Variants in CARF observed in about 807,000 individuals in gnomAD.
CARF encodes the protein calcium responsive transcription factor.
Under a neutral mutation model 82.0 loss-of-function variants are expected in CARF, and 57 were observed. That is an observed-to-expected ratio of 0.70 (90% CI 0.56 to 0.87). The LOEUF (loss-of-function observed/expected upper bound fraction) is 0.87. CARF is among the 40% of genes least tolerant of loss of function. The pLI is 0.00. For missense variants in CARF, 771 were observed against 855.8 expected, an observed-to-expected ratio of 0.90 and a Z score of 1.24; for synonymous variants, 268 against 290.1, an observed-to-expected ratio of 0.92 and a Z score of 0.77.
rs2059022207 is a variant in CARF at position 202,956,033 on chromosome 2, ACTATT to A, written c.642+276_642+280del. ...TGAAACTTCACTATCATGTTTCTCTACTATTTACTTTTCAACCATTTATTTTCTTT... is the reference window on the plus strand; with the variant it reads ...TGAAACTTCACTATCATGTTTCTCTATACTTTTCAACCATTTATTTTCTTT... On this transcript the variant is annotated intron_variant, in intron 8 of 16. Transcript: ENST00000438828. Among the ~76,000 whole-genome samples, 5 of 150,632 alleles carry A rather than the reference ACTATT, an allele frequency of 3.3e-5. No individual in the cohort carries two copies. The South Asian group carries it at 1.1e-3, about 32-fold the overall frequency.
chr2:202,965,404 A>T (rs1162510851), intron 9 of CARF, among the ~76,000 whole-genome samples: 1 of 152,120 alleles, frequency 6.6e-6, no homozygotes, highest in East Asian at 1.9e-4. Flanking sequence ...CATTCCAAGG[A>T]GTATGAAATA....
intron 6 of CARF, among the ~76,000 whole-genome samples, chr2:202,953,179 C>T (rs2058835871): frequency 6.6e-6 from 1 of 151,872 alleles, no homozygotes; most frequent in Admixed American, 6.6e-5. Context: ...GCAACCATGC[C>T]TAATTTTTAT....
chr2:202,964,745 A>G (rs1248296088), intron 9 of CARF, among the ~76,000 whole-genome samples: 1 of 151,736 alleles, frequency 6.6e-6, no homozygotes, highest in Admixed American at 6.6e-5. Flanking sequence ...TACCCCTTAC[A>G]CTTCCTCATT....
intron 12 of CARF, among the ~76,000 whole-genome samples, chr2:202,973,327 GA>G (rs1229295089): frequency 1.3e-5 from 2 of 152,096 alleles, no homozygotes; most frequent in Non-Finnish European, 2.9e-5. Context: ...CTTAACAATG[GA>G]AGTATAATAC....
At position 202,981,608 on chromosome 2, in the gene CARF, G is replaced by A. The variant is rs1171505347; in HGVS notation, c.1612G>A (p.Gly538Ser). The A allele has an allele frequency of 6.2e-6, 10 of 1,610,228 alleles. No individual in the cohort carries two copies. In the African/African-American group the frequency reaches 8.0e-5, roughly 13 times the overall value. The change falls in exon 15 of 17, where the codon GGT (glycine) becomes AGT (serine). Residue 538 changes from glycine (G) to serine (S), a missense_variant. Coordinates refer to ENST00000438828, the MANE Select transcript of CARF (RefSeq NM_024744.17). The part of the protein sequence containing the change: ...TTKVETNQTR[G>S]SLSPEPTHLL... ...CAAAGTGGAAACAAATCAGACCAGG[G>A]GTTCTTTGTCTCCTGAGCCAACCCA... is the stretch of plus-strand genomic sequence containing the variant.
Position 202,949,342 on chromosome 2 carries a change from CAAAAAA to C in CARF, c.307-3207_307-3202del, listed in dbSNP as rs540061451. 1.4e-4 allele frequency among the ~76,000 whole-genome samples: 16 copies of C among 114,038 alleles called. No homozygotes were observed. The Admixed American group carries it at 1.5e-3, about 11-fold the overall frequency. 74.8% of individuals were successfully genotyped at this position (114,038 alleles called of 152,430 possible). A position where few individuals can be genotyped will look rare whatever the true frequency, so the allele number is the denominator to read the frequency against. On this transcript the variant is annotated intron_variant, in intron 5 of 16. Transcript: ENST00000438828. ...TGGGCAACAGAGCAAGACTCCATCT[CAAAAAA>C]AAAAAAAAAGAGATATGTCTCACTC...
chr2:202,933,386 T>G (rs1316045119), intron 3 of CARF, among the ~76,000 whole-genome samples: 1 of 152,054 alleles, frequency 6.6e-6, no homozygotes, highest in Non-Finnish European at 1.5e-5. Flanking sequence ...TGGGACACAG[T>G]GTCGGTTTCT....
intron 15 of CARF, 77 bp from the exon 16 acceptor site, chr2:202,981,995 A>G: frequency 6.9e-7 from 1 of 1,455,118 alleles, no homozygotes; most frequent in Non-Finnish European, 9.4e-7. Context: ...ATTTTTTGTC[A>G]AAAGAATTGT....
At chr2:202,939,172 G>T (rs1358673309) in intron 3 of CARF, among the ~76,000 whole-genome samples, 1 of 152,048 alleles carries the variant, frequency 6.6e-6, no homozygotes, top group African/African-American at 2.4e-5. Context: ...TTTATCTGTG[G>T]ATTCATGTCT....
chr2:202,973,418 A>G, intron 12 of CARF: 1 of 427,648 alleles, frequency 2.3e-6, no homozygotes, highest in East Asian at 7.2e-5. Flanking sequence ...TTGATTTTTT[A>G]TACAATTAAA....
intron 3 of CARF, among the ~76,000 whole-genome samples, chr2:202,931,432 G>GT (rs374187421): frequency 1.3e-5 from 2 of 152,318 alleles, no homozygotes; most frequent in African/African-American, 4.8e-5. Context: ...GCAGTCAAAA[G>GT]TTATACACAC....
intron 3 of CARF, among the ~76,000 whole-genome samples, chr2:202,937,773 C>A (rs567605776): frequency 6.6e-6 from 1 of 151,868 alleles, no homozygotes; most frequent in Admixed American, 6.6e-5. Flanking sequence ...TATAGGCGTG[C>A]GCCACCACGC....
chr2:202,968,552 A>G lies in CARF; in HGVS notation c.954-1367A>G, dbSNP rs191158160. 5.3e-5 allele frequency among the ~76,000 whole-genome samples: 8 copies of G among 151,212 alleles called. No homozygotes were observed. The East Asian group carries it at 1.2e-3, about 22-fold the overall frequency. On this transcript the variant is annotated intron_variant, in intron 10 of 16. Coordinates refer to ENST00000438828, the MANE Select transcript of CARF (RefSeq NM_024744.17). The stretch of plus-strand genomic sequence containing the variant: ...AACTTTCAGTTGCTTTTTTTTTTCC[A>G]TTTAGCCTTGACTTGAAACTTATCA...
intron 3 of CARF, among the ~76,000 whole-genome samples, chr2:202,931,981 G>A (rs867631863): frequency 1.3e-5 from 2 of 152,154 alleles, no homozygotes; most frequent in South Asian, 4.1e-4. Context: ...GGTTCTGCAG[G>A]CTGTACAGGA....
intron 3 of CARF, chr2:202,925,729 C>G (rs1011711031): frequency 1.1e-5 from 2 of 179,686 alleles, no homozygotes; most frequent in Admixed American, 6.1e-5. Context: ...TCCAGAGAGC[C>G]AAGCAAGACA....
chr2:202,967,887 T>C (rs1021509640), intron 10 of CARF, among the ~76,000 whole-genome samples: 2 of 152,242 alleles, frequency 1.3e-5, no homozygotes, highest in African/African-American at 4.8e-5. Flanking sequence ...TACAGAGTAG[T>C]CATTGCTCTT....
At chr2:202,945,298 TTTTG>T (rs1411365041) in intron 5 of CARF, among the ~76,000 whole-genome samples, 1 of 152,144 alleles carries the variant, frequency 6.6e-6, no homozygotes, top group Admixed American at 6.5e-5. Flanking sequence ...TTTGGTGTTT[TTTTG>T]TTTTATTGTT....
At chr2:202,944,793 T>G (rs1025086625) in intron 5 of CARF, among the ~76,000 whole-genome samples, 7 of 32,328 alleles carry the variant, frequency 2.2e-4, no homozygotes, top group South Asian at 1.8e-3. Context: ...AAAGTTTGTG[T>G]TTTTTTTTTT....
At chr2:202,974,790 T>C (rs1179442078) in intron 13 of CARF, among the ~76,000 whole-genome samples, 1 of 151,704 alleles carries the variant, frequency 6.6e-6, no homozygotes, top group Non-Finnish European at 1.5e-5. Context: ...TCCCAGCTAC[T>C]TGGGAGGCTG....
Sources: gnomAD v4.1 joint callset for allele counts (sites outside exome capture counted in the v4.1 genomes callset) on GRCh38, gnomAD v4.1.1 for gene constraint, MANE v1.5 for transcripts, NCBI Gene and HGNC (gene_info 2026-07-23, HGNC 2026-07-21) for gene names.